The following ERC2 variants were observed in gnomAD, a reference collection of about 807,000 sequenced individuals.
ERC2 encodes ERC protein 2.
A neutral mutation model predicts 114.8 loss-of-function variants in ERC2; 42 were observed. The ratio of observed to expected loss-of-function variants is 0.37; its 90% CI spans 0.29 to 0.47. The LOEUF (loss-of-function observed/expected upper bound fraction) is 0.47. Among genes scored for constraint, ERC2 ranks in the 20% least tolerant of loss-of-function variants. The pLI, the probability that ERC2 is intolerant of heterozygous loss-of-function variation, is 0.99. For missense variants in ERC2, 939 were observed against 1,150.7 expected, an observed-to-expected ratio of 0.82 and a Z score of 2.66; for synonymous variants, 454 against 425.5, an observed-to-expected ratio of 1.07 and a Z score of -0.82.
At chr3:55,733,542 TCACACACACACACACA>T (rs58311179) in intron 15 of ERC2, among the ~76,000 whole-genome samples, 3 of 107,886 alleles carry the variant, frequency 2.8e-5, no homozygotes, top group African/African-American at 7.3e-5. Context: ...TCTCTCTCTC[TCACACACACACACACA>T]CACACACACA....
At chr3:55,625,547 C>T (rs925369961) in intron 17 of ERC2, among the ~76,000 whole-genome samples, 1 of 151,812 alleles carries the variant, frequency 6.6e-6, no homozygotes, top group Non-Finnish European at 1.5e-5. Flanking sequence ...GTCAGGAGAT[C>T]GAGACCTTCT....
At chr3:56,065,222 ATT>A (rs112673871) in intron 7 of ERC2, among the ~76,000 whole-genome samples, 1 of 151,686 alleles carries the variant, frequency 6.6e-6, no homozygotes, top group African/African-American at 2.4e-5. Flanking sequence ...CCCATTATTT[ATT>A]TTTTTTCTTT....
At chr3:56,152,989 TAGCCC>T (rs1356732958) in intron 4 of ERC2, among the ~76,000 whole-genome samples, 1 of 152,220 alleles carries the variant, frequency 6.6e-6, no homozygotes, top group Non-Finnish European at 1.5e-5. Context: ...ATACTAGCAC[TAGCCC>T]ATGACGGCTA....
Position 55,841,282 on chromosome 3 carries a change from T to C in ERC2, c.2564+47107A>G, listed in dbSNP as rs150117812. On this transcript the variant is annotated intron_variant, in intron 14 of 17. Transcript: ENST00000288221. ...GACCTGGTGGGAGGTAATTGAATCATGGGGGTGGATCTTTCCTATGCTGTT... is the reference window on the plus strand; with the variant it reads ...GACCTGGTGGGAGGTAATTGAATCACGGGGGTGGATCTTTCCTATGCTGTT... Among the ~76,000 whole-genome samples, 445 of 152,244 alleles carry C rather than the reference T, an allele frequency of 2.9e-3. 4 individuals are homozygous for C. Among genetic ancestry groups the C allele is most frequent in the African/African-American group, 0.01 (425 of 41,554 alleles).
intron 3 of ERC2, among the ~76,000 whole-genome samples, chr3:56,235,583 C>T (rs1453656337): frequency 6.6e-6 from 1 of 152,106 alleles, no homozygotes; most frequent in African/African-American, 2.4e-5. Context: ...GGTTTTCCAC[C>T]ATTCTCAACA....
At chr3:56,049,422 T>C (rs1486908077) in intron 7 of ERC2, among the ~76,000 whole-genome samples, 1 of 152,216 alleles carries the variant, frequency 6.6e-6, no homozygotes, top group African/African-American at 2.4e-5. Flanking sequence ...CTACTGATAC[T>C]GTGAAGGTTA....
chr3:55,672,490 G>A (rs1465520395), intron 17 of ERC2, among the ~76,000 whole-genome samples: 1 of 152,120 alleles, frequency 6.6e-6, no homozygotes, highest in African/African-American at 2.4e-5. Context: ...CATCTGTATA[G>A]CCCTGGACAA....
At chr3:55,601,084 A>T (rs1180408604) in intron 17 of ERC2, among the ~76,000 whole-genome samples, 1 of 152,240 alleles carries the variant, frequency 6.6e-6, no homozygotes, top group Admixed American at 6.5e-5. Flanking sequence ...GGCAGATGTG[A>T]GGAAGGCCAC....
chr3:56,049,161 A>G (rs1396213495), intron 7 of ERC2, among the ~76,000 whole-genome samples: 1 of 152,216 alleles, frequency 6.6e-6, no homozygotes, highest in African/African-American at 2.4e-5. Flanking sequence ...TGGCTTTAGC[A>G]TTTTGAGCAT....
intron 2 of ERC2, among the ~76,000 whole-genome samples, chr3:56,399,235 A>G (rs1271244650): frequency 6.6e-6 from 1 of 152,230 alleles, no homozygotes; most frequent in Non-Finnish European, 1.5e-5. Context: ...ATCCAAAACC[A>G]TTAGAGCCTG....
At chr3:56,173,663 C>A (rs961182704) in intron 3 of ERC2, 143 bp from the exon 4 acceptor site, 2 of 656,160 alleles carry the variant, frequency 3.0e-6, no homozygotes, top group Non-Finnish European at 5.2e-6. Context: ...TTCCCCCACA[C>A]TCTTTAGCAT....
intron 3 of ERC2, among the ~76,000 whole-genome samples, chr3:56,259,529 G>A (rs905467252): frequency 6.6e-6 from 1 of 151,958 alleles, no homozygotes; most frequent in African/African-American, 2.4e-5. Flanking sequence ...AGAGTGACTG[G>A]GGACACAACA....
chr3:55,760,075 G>A (rs748620439), intron 14 of ERC2, among the ~76,000 whole-genome samples: 27 of 152,148 alleles, frequency 1.8e-4, no homozygotes, highest in Non-Finnish European at 3.7e-4. Context: ...CATGAAAACA[G>A]ACCGTAGGTT....
chr3:55,697,330 G>A (rs924015385), intron 16 of ERC2, among the ~76,000 whole-genome samples: 11 of 152,198 alleles, frequency 7.2e-5, no homozygotes, highest in Non-Finnish European at 1.6e-4. Context: ...CTGAGATGGT[G>A]GATGTGAAAG....
chr3:56,395,822 G>C (rs1461448789), intron 2 of ERC2, among the ~76,000 whole-genome samples: 1 of 152,182 alleles, frequency 6.6e-6, no homozygotes, highest in Non-Finnish European at 1.5e-5. Flanking sequence ...GGAAACTGGA[G>C]TTTCTTGTGG....
chr3:56,093,808 A>G (rs1055560996), intron 6 of ERC2, among the ~76,000 whole-genome samples: 19 of 152,352 alleles, frequency 1.2e-4, no homozygotes, highest in African/African-American at 3.8e-4. Flanking sequence ...AAGGTTGTTT[A>G]TTTGAAAAAA....
intron 10 of ERC2, among the ~76,000 whole-genome samples, chr3:55,993,355 T>C (rs2071229586): frequency 6.6e-6 from 1 of 152,208 alleles, no homozygotes; most frequent in Non-Finnish European, 1.5e-5. Context: ...ATATTTATTG[T>C]GTTTTTATAT....
chr3:56,249,548 G>C (rs894227791), intron 3 of ERC2, among the ~76,000 whole-genome samples: 2 of 151,954 alleles, frequency 1.3e-5, no homozygotes, highest in South Asian at 2.1e-4. Flanking sequence ...GGATGGTCTC[G>C]ATCTCCTGAC....
chr3:55,644,638 G>T (rs2060317042), intron 17 of ERC2, among the ~76,000 whole-genome samples: 3 of 152,000 alleles, frequency 2.0e-5, no homozygotes. Context: ...ATGTGCATAA[G>T]TGTATGTATG....
Sources: gnomAD v4.1 joint callset for allele counts (sites outside exome capture counted in the v4.1 genomes callset) on GRCh38, gnomAD v4.1.1 for gene constraint, MANE v1.5 for transcripts, NCBI Gene and HGNC (gene_info 2026-07-23, HGNC 2026-07-21) for gene names.